Variants in OR3A2 observed in about 807,000 individuals in gnomAD.
The protein encoded by OR3A2 is olfactory receptor family 3 subfamily A member 2.
For synonymous variants in OR3A2, 126 were observed against 159.3 expected, an observed-to-expected ratio of 0.79 and a Z score of 1.57; for missense variants, 318 against 392.8, an observed-to-expected ratio of 0.81 and a Z score of 1.61.
chr17:3,333,466 C>T (rs1035892829), intron 3 of OR3A2, among the ~76,000 whole-genome samples: 1 of 152,130 alleles, frequency 6.6e-6, no homozygotes, highest in African/African-American at 2.4e-5. Context: ...ATCTTTGTGA[C>T]CTACTCCCTG....
At chr17:3,356,085 A>G (rs1022380875) in intron 2 of OR3A2, among the ~76,000 whole-genome samples, 1 of 151,516 alleles carries the variant, frequency 6.6e-6, no homozygotes, top group Non-Finnish European at 1.5e-5. Flanking sequence ...CTGAGTGCAT[A>G]AACAATCAAA....
chr17:3,373,302 G>A (rs9915015), intron 2 of OR3A2, among the ~76,000 whole-genome samples: 23,062 of 152,120 alleles, frequency 0.15, 2,328 homozygotes, highest in African/African-American at 0.28. Flanking sequence ...GTAAATATCC[G>A]TTAAGTCCAG....
intron 3 of OR3A2, among the ~76,000 whole-genome samples, chr17:3,331,669 C>G (rs149890845): frequency 6.6e-6 from 1 of 150,790 alleles, no homozygotes; most frequent in Non-Finnish European, 1.5e-5. Context: ...AATGTCCTCC[C>G]GTAGCTCAGA....
chr17:3,312,333 C>T (rs1597333755), intron 3 of OR3A2, among the ~76,000 whole-genome samples: 1 of 152,040 alleles, frequency 6.6e-6, no homozygotes, highest in African/African-American at 2.4e-5. Context: ...TTTTAAAAGG[C>T]TCTACTTTAA....
At chr17:3,286,650 T>C (rs1187807790), upstream of OR3A2, among the ~76,000 whole-genome samples, 1 of 152,134 alleles carries the variant, frequency 6.6e-6, no homozygotes, top group Non-Finnish European at 1.5e-5. Flanking sequence ...TCATTGTGGT[T>C]TTGATTTGCA....
chr17:3,323,449 A>G (rs118065403), intron 3 of OR3A2, among the ~76,000 whole-genome samples: 22,785 of 151,870 alleles, frequency 0.15, 2,334 homozygotes, highest in African/African-American at 0.28. Flanking sequence ...TTTCTTCCTA[A>G]CCTCGATGGT....
At chr17:3,349,575 T>C (rs1426750363) in intron 2 of OR3A2, among the ~76,000 whole-genome samples, 1 of 152,074 alleles carries the variant, frequency 6.6e-6, no homozygotes, top group African/African-American at 2.4e-5. Context: ...TCCCACACAT[T>C]AATAATAGGA....
At chr17:3,296,190 T>C (rs1407855684) in intron 3 of OR3A2, among the ~76,000 whole-genome samples, 1 of 152,054 alleles carries the variant, frequency 6.6e-6, no homozygotes, top group African/African-American at 2.4e-5. Flanking sequence ...GAAAGAAACA[T>C]GATTTTAAAA....
rs182174121 is a variant in OR3A2 at position 3,360,501 on chromosome 17, G to A, written c.-179+23303C>T. ...ACATGAAGTCCATGCCCATGCCTATGTCCTGAATGGTATTGCATAGGTTTT... is the reference window on the plus strand; with the variant it reads ...ACATGAAGTCCATGCCCATGCCTATATCCTGAATGGTATTGCATAGGTTTT... On this transcript the variant is annotated intron_variant, in intron 2 of 4. Coordinates refer to the OR3A2 transcript ENST00000573491. Among the ~76,000 whole-genome samples the A allele has an allele frequency of 1.6e-3, 241 of 151,900 alleles. 2 individuals are homozygous for A. The Middle Eastern group carries it at 0.017, about 11-fold the overall frequency.
At chr17:3,324,462 GCT>G (rs2049153263) in intron 3 of OR3A2, among the ~76,000 whole-genome samples, 2 of 152,024 alleles carry the variant, frequency 1.3e-5, no homozygotes, top group Admixed American at 1.3e-4. Flanking sequence ...CAGTTTTTCT[GCT>G]CTGTTTTCTC....
intron 2 of OR3A2, among the ~76,000 whole-genome samples, chr17:3,341,015 T>C (rs1185525883): frequency 6.6e-6 from 1 of 152,202 alleles, no homozygotes; most frequent in African/African-American, 2.4e-5. Context: ...TTTACCATTA[T>C]GTAATGGCCT....
chr17:3,365,853 A>C (rs759231842), intron 2 of OR3A2, among the ~76,000 whole-genome samples: 39 of 152,236 alleles, frequency 2.6e-4, no homozygotes, highest in African/African-American at 8.7e-4. Context: ...TTATGCAAAA[A>C]GGAAAAATTT....
chr17:3,344,356 T>A (rs1067096), intron 2 of OR3A2, among the ~76,000 whole-genome samples: 105,161 of 151,972 alleles, frequency 0.69, 37,961 homozygotes, highest in East Asian at 1. Flanking sequence ...GTCCTGTAAA[T>A]ATTCACCCTG....
chr17:3,335,821 A>G (rs2049271754), intron 3 of OR3A2, among the ~76,000 whole-genome samples: 1 of 152,180 alleles, frequency 6.6e-6, no homozygotes, highest in Non-Finnish European at 1.5e-5. Context: ...AGTTTGTTTA[A>G]GAATACACCA....
intron 2 of OR3A2, among the ~76,000 whole-genome samples, chr17:3,351,654 A>C (rs56312842): frequency 0.13 from 18,727 of 141,094 alleles, 1,495 homozygotes; most frequent in African/African-American, 0.23. Flanking sequence ...GCTACCAATG[A>C]CTTTCTTCAC....
At chr17:3,341,420 T>G (rs957996359) in intron 2 of OR3A2, among the ~76,000 whole-genome samples, 12 of 152,208 alleles carry the variant, frequency 7.9e-5, no homozygotes, top group Admixed American at 2.6e-4. Flanking sequence ...CCTTTCCACG[T>G]TTAGTGTTTC....
At chr17:3,371,672 C>G (rs192040) in intron 2 of OR3A2, among the ~76,000 whole-genome samples, 1 of 115,144 alleles carries the variant, frequency 8.7e-6, no homozygotes. Context: ...ACCTCCCGGA[C>G]GGGGCGGCTG....
At chr17:3,341,090 C>G (rs886106117) in intron 2 of OR3A2, among the ~76,000 whole-genome samples, 2 of 152,090 alleles carry the variant, frequency 1.3e-5, no homozygotes, top group East Asian at 1.9e-4. Context: ...ATTGCAACCC[C>G]TGCTTGTTTT....
At chr17:3,298,208 T>G (rs1316056257) in intron 3 of OR3A2, 1 of 152,084 alleles carries the variant, frequency 6.6e-6, no homozygotes, top group Non-Finnish European at 1.5e-5. Flanking sequence ...GAGTCTAGGA[T>G]GAACACTGGT....
Sources: allele counts gnomAD v4.1 joint callset (sites outside exome capture counted in the v4.1 genomes callset), GRCh38; gene constraint gnomAD v4.1.1; transcripts MANE v1.5; gene names NCBI Gene and HGNC (gene_info 2026-07-23, HGNC 2026-07-21).